PARD3: variants seen among roughly 807,000 people sequenced by gnomAD.
The protein encoded by PARD3 is partitioning defective 3 homolog.
A neutral mutation model predicts 155.4 loss-of-function variants in PARD3; 75 were observed. The ratio of observed to expected loss-of-function variants is 0.48; its 90% CI spans 0.40 to 0.58. PARD3 has a LOEUF of 0.58. Ranked by LOEUF, PARD3 falls within the 20% of genes least tolerant of loss-of-function variation. The pLI is 0.00. For missense variants in PARD3, 1,642 were observed against 1,721.7 expected (o/e 0.95, Z 0.82); for synonymous variants, 576 against 610.5 (o/e 0.94, Z 0.83).
intron 3 of PARD3, among the ~76,000 whole-genome samples, chr10:34,515,900 G>A (rs539932048): frequency 4.0e-5 from 6 of 151,788 alleles, no homozygotes; most frequent in South Asian, 2.1e-4. Flanking sequence ...GTAAAGACAC[G>A]TAAGACCCAA....
chr10:34,763,134 G>A (rs10764001), intron 1 of PARD3, among the ~76,000 whole-genome samples: 43,454 of 152,026 alleles, frequency 0.29, 6,529 homozygotes, highest in East Asian at 0.54. Flanking sequence ...ATTTAGTGGC[G>A]GAGGTCAAGG....
chr10:34,672,358 C>CAAG (rs2093624983), intron 2 of PARD3, among the ~76,000 whole-genome samples: 1 of 152,110 alleles, frequency 6.6e-6, no homozygotes, highest in African/African-American at 2.4e-5. Flanking sequence ...AGCTGAGCAC[C>CAAG]CACTCATTCT....
At chr10:34,388,966 G>C (rs1173817535) in intron 7 of PARD3, among the ~76,000 whole-genome samples, 1 of 151,916 alleles carries the variant, frequency 6.6e-6, no homozygotes, top group Non-Finnish European at 1.5e-5. Context: ...TAGGGTTTAG[G>C]GTTATGTGAA....
At chr10:34,733,566 C>T (rs1302192941) in intron 1 of PARD3, among the ~76,000 whole-genome samples, 1 of 152,230 alleles carries the variant, frequency 6.6e-6, no homozygotes, top group Non-Finnish European at 1.5e-5. Flanking sequence ...TCACCACGAA[C>T]TCCTCCTCCC....
chr10:34,145,204 TATATATATATA>T (rs1948411547), intron 22 of PARD3, among the ~76,000 whole-genome samples: 1 of 64,234 alleles, frequency 1.6e-5, no homozygotes, highest in African/African-American at 8.2e-5. Context: ...TATATATATA[TATATATATATA>T]TATATATTTT....
chr10:34,727,817 C>CAG (rs2094743283), intron 1 of PARD3, among the ~76,000 whole-genome samples: 1 of 139,276 alleles, frequency 7.2e-6, no homozygotes, highest in Non-Finnish European at 1.5e-5. Flanking sequence ...CCCTCCACCA[C>CAG]ACACACACAC....
intron 1 of PARD3, among the ~76,000 whole-genome samples, chr10:34,772,065 C>T (rs1295698334): frequency 1.3e-5 from 2 of 152,164 alleles, no homozygotes; most frequent in Non-Finnish European, 2.9e-5. Flanking sequence ...ATGCAAGATG[C>T]ACCCCTCCAG....
chr10:34,558,248 A>G (rs1232607403), intron 2 of PARD3, among the ~76,000 whole-genome samples: 1 of 152,204 alleles, frequency 6.6e-6, no homozygotes, highest in African/African-American at 2.4e-5. Flanking sequence ...AGGTTTATGT[A>G]TGATCTACTT....
chr10:34,187,817 CT>C (rs1174514266), intron 22 of PARD3, among the ~76,000 whole-genome samples: 1 of 152,192 alleles, frequency 6.6e-6, no homozygotes, highest in Admixed American at 6.5e-5. Context: ...AGCAGCAATG[CT>C]TTGATTTTAA....
At chr10:34,373,624 G>A (rs1041201182) in intron 11 of PARD3, among the ~76,000 whole-genome samples, 6 of 151,558 alleles carry the variant, frequency 4.0e-5, no homozygotes, top group South Asian at 2.1e-4. Context: ...ACAGTGGGGG[G>A]AAAACGAAAA....
chr10:34,686,666 G>T (rs1454968012), intron 2 of PARD3, among the ~76,000 whole-genome samples: 1 of 151,844 alleles, frequency 6.6e-6, no homozygotes, highest in Non-Finnish European at 1.5e-5. Flanking sequence ...ATCTGAACCT[G>T]GGGGAAGGAG....
intron 2 of PARD3, among the ~76,000 whole-genome samples, chr10:34,624,872 C>A (rs548144624): frequency 6.6e-6 from 1 of 152,340 alleles, no homozygotes; most frequent in East Asian, 1.9e-4. Flanking sequence ...CCCATGCAAC[C>A]CAGGTCACAC....
At chr10:34,235,917 A>AT (rs1953203496) in intron 22 of PARD3, among the ~76,000 whole-genome samples, 1 of 152,234 alleles carries the variant, frequency 6.6e-6, no homozygotes, top group South Asian at 2.1e-4. Context: ...ATCCAACCAT[A>AT]TAAGTATATT....
Position 34,382,891 on chromosome 10 carries a change from T to C in PARD3, c.1048A>G (p.Thr350Ala), listed in dbSNP as rs753287443. ...AQHMFRQAMR[T>A]PIIWFHVVPA... ...ACCACATGGAACCAAATGATGGGTG[T>C]ACGCATGGCTTGGCGAAACATATGT... Residue 350 changes from threonine to alanine, a missense_variant, in exon 9 of 25, where the codon ACA becomes GCA. Physicochemically the swap from Thr to Ala is moderately conservative, Grantham distance 58. This residue lies in a region of PARD3 where 1,529 missense variants were observed against 1,587.3 expected (regional missense o/e 0.96). Coordinates refer to ENST00000374788, the MANE Select transcript of PARD3 (RefSeq NM_001184785.2). 1.9e-5 allele frequency: 30 copies of C among 1,614,058 alleles called. No individual in the cohort carries two copies. In the South Asian group the frequency reaches 2.1e-4, roughly 11 times the overall value.
Position 34,450,422 on chromosome 10 carries a change from C to T in PARD3, c.609G>A (p.Pro203=), listed in dbSNP as rs761313152. 1.1e-5 allele frequency: 17 copies of T among 1,612,970 alleles called. No individual in the cohort carries two copies. Among genetic ancestry groups the T allele is most frequent in the Middle Eastern group, 1.7e-4 (1 of 5,958 alleles). ...GGTTAGACCAGTTACTAGTATCCCG[C>T]GGGAGGCTTCTGTAGTTTTCATCTT... ...RKKDENYRSL[P]RDTSNWSNQF... The change falls in exon 5 of 25, where the codon CCG becomes CCA. Residue 203 remains proline, a synonymous_variant. Coordinates refer to ENST00000374788, the MANE Select transcript of PARD3 (RefSeq NM_001184785.2).
chr10:34,321,965 C>A (rs183102770), intron 19 of PARD3, among the ~76,000 whole-genome samples: 1 of 152,096 alleles, frequency 6.6e-6, no homozygotes, highest in South Asian at 2.1e-4. Flanking sequence ...TCTATTTCCC[C>A]CCCCCATTGA....
chr10:34,743,943 G>A (rs954498230), intron 1 of PARD3, among the ~76,000 whole-genome samples: 5 of 152,162 alleles, frequency 3.3e-5, no homozygotes, highest in Non-Finnish European at 7.3e-5. Flanking sequence ...GACTCCCTTT[G>A]CACTCATGGC....
chr10:34,183,500 G>A (rs1380633124), intron 22 of PARD3, among the ~76,000 whole-genome samples: 1 of 152,172 alleles, frequency 6.6e-6, no homozygotes, highest in Non-Finnish European at 1.5e-5. Flanking sequence ...ATACACAAAT[G>A]CAGGCGAGTA....
intron 1 of PARD3, among the ~76,000 whole-genome samples, chr10:34,811,052 C>A (rs911791543): frequency 1.3e-5 from 2 of 152,144 alleles, no homozygotes; most frequent in African/African-American, 4.8e-5. Context: ...CAAAGGGGCT[C>A]CAGCACCTCC....
Sources: allele counts gnomAD v4.1 joint callset (sites outside exome capture counted in the v4.1 genomes callset), GRCh38; gene constraint gnomAD v4.1.1; regional missense constraint gnomAD v4.1.1; transcripts MANE v1.5; gene names NCBI Gene and HGNC (gene_info 2026-07-23, HGNC 2026-07-21).